The following EYS variants were observed in gnomAD, a reference collection of about 807,000 sequenced individuals.
EYS encodes the protein EGF-like photoreceptor maintenance factor, also known as protein eyes shut homolog.
EYS carries 250 observed loss-of-function variants against 282.1 expected under a neutral mutation model. That is an observed-to-expected ratio of 0.89 (90% CI 0.80 to 0.98). The LOEUF is 0.98. EYS is among the 50% of genes least tolerant of loss of function. The pLI is 0.00. For missense variants in EYS, 4,016 were observed against 3,709.0 expected (o/e 1.08, Z -2.15); for synonymous variants, 1,355 against 1,282.9 (o/e 1.06, Z -1.20).
At position 65,430,596 on chromosome 6, in the gene EYS, C is replaced by G. The variant is rs540857995; in HGVS notation, c.863-25229G>C. ...AGCTAAGGGAATGCTGGCATTACCC[C>G]TCCCCTAGACCCAGGCTAACCCTAA... On this transcript the variant is annotated intron_variant, in intron 5 of 42. Transcript: ENST00000503581. Among the ~76,000 whole-genome samples the G allele has an allele frequency of 4.6e-5, 7 of 152,156 alleles. No individual in the cohort carries two copies. In the South Asian group the frequency reaches 1.5e-3, roughly 32 times the overall value.
chr6:64,616,155 T>C (rs1428727745), intron 24 of EYS, among the ~76,000 whole-genome samples: 6 of 152,144 alleles, frequency 3.9e-5, no homozygotes, highest in Non-Finnish European at 8.8e-5. Flanking sequence ...CCTACGTATC[T>C]AAGGCTGCAC....
intron 31 of EYS, among the ~76,000 whole-genome samples, chr6:64,210,001 T>C (rs1765713034): frequency 6.6e-6 from 1 of 152,230 alleles, no homozygotes; most frequent in Non-Finnish European, 1.5e-5. Context: ...CTTAATCTTC[T>C]GTCTCTTTAT....
intron 35 of EYS, among the ~76,000 whole-genome samples, chr6:63,951,469 C>T (rs1327236884): frequency 1.3e-5 from 2 of 152,048 alleles, no homozygotes; most frequent in African/African-American, 2.4e-5. Context: ...TCCCTCCCAC[C>T]TGTCCCCTCA....
chr6:64,686,494 C>A (rs1278603713), intron 22 of EYS, among the ~76,000 whole-genome samples: 1 of 151,290 alleles, frequency 6.6e-6, no homozygotes, highest in African/African-American at 2.4e-5. Flanking sequence ...GTTATCCCAG[C>A]TCTTTGGGAG....
chr6:64,295,365 A>G (rs79505430), intron 30 of EYS, among the ~76,000 whole-genome samples: 2 of 12,956 alleles, frequency 1.5e-4, no homozygotes, highest in Non-Finnish European at 3.2e-4. Flanking sequence ...GAAGAAGAAG[A>G]AGAAGGAAGA....
chr6:65,516,744 G>A (rs570450527), intron 2 of EYS, among the ~76,000 whole-genome samples: 1 of 151,964 alleles, frequency 6.6e-6, no homozygotes, highest in East Asian at 1.9e-4. Context: ...AAGGATGCCT[G>A]GTATTACTAA....
chr6:63,959,693 T>C (rs1436849089), intron 35 of EYS, among the ~76,000 whole-genome samples: 1 of 152,144 alleles, frequency 6.6e-6, no homozygotes, highest in Non-Finnish European at 1.5e-5. Flanking sequence ...TTAAAAGGAA[T>C]GTGATCATGT....
At chr6:65,226,079 T>C (rs1254656463) in intron 12 of EYS, among the ~76,000 whole-genome samples, 1 of 152,032 alleles carries the variant, frequency 6.6e-6, no homozygotes, top group Admixed American at 6.6e-5. Flanking sequence ...ATTAAATCTA[T>C]TTATATTTAA....
At chr6:65,508,022 A>G (rs182952068) in intron 2 of EYS, among the ~76,000 whole-genome samples, 70 of 152,258 alleles carry the variant, frequency 4.6e-4, no homozygotes, top group African/African-American at 1.6e-3. Flanking sequence ...AGCATACTGT[A>G]TCGGGTAATA....
intron 12 of EYS, among the ~76,000 whole-genome samples, chr6:65,147,016 T>G (rs1312444106): frequency 6.6e-6 from 1 of 152,044 alleles, no homozygotes. Context: ...TTGCTTTGTA[T>G]ATATTTGTAC....
intron 22 of EYS, among the ~76,000 whole-genome samples, chr6:64,671,298 G>T (rs934028623): frequency 1.3e-5 from 2 of 152,074 alleles, no homozygotes; most frequent in Non-Finnish European, 2.9e-5. Flanking sequence ...GAGCCCTCAT[G>T]AATGAAACAG....
intron 18 of EYS, among the ~76,000 whole-genome samples, chr6:64,901,700 C>G (rs929672990): frequency 1.3e-5 from 2 of 151,882 alleles, no homozygotes; most frequent in Non-Finnish European, 2.9e-5. Context: ...GTCCAAATAT[C>G]TATAACCAGT....
At chr6:65,652,502 A>C (rs866318709) in intron 1 of EYS, among the ~76,000 whole-genome samples, 46 of 152,060 alleles carry the variant, frequency 3.0e-4, no homozygotes, top group Middle Eastern at 3.4e-3. Context: ...TCATATTTTG[A>C]AATTTTTTAA....
chr6:64,660,725 A>G (rs911056167), intron 22 of EYS, among the ~76,000 whole-genome samples: 8 of 152,194 alleles, frequency 5.3e-5, no homozygotes, highest in African/African-American at 1.4e-4. Flanking sequence ...CCACTGCTCA[A>G]TGAAATAAAA....
At chr6:64,788,829 G>A (rs1774097579) in intron 22 of EYS, among the ~76,000 whole-genome samples, 1 of 152,048 alleles carries the variant, frequency 6.6e-6, no homozygotes. Flanking sequence ...TCCTGTCCTT[G>A]TCTCTTCTTT....
At chr6:64,548,793 C>T (rs532983807) in intron 26 of EYS, among the ~76,000 whole-genome samples, 102 of 151,756 alleles carry the variant, frequency 6.7e-4, no homozygotes, top group African/African-American at 2.4e-3. Flanking sequence ...CAAACCTGCA[C>T]GTTGTGCACA....
At chr6:64,578,562 C>CTTTTTCTTTTATCACA (rs1423598206) in intron 26 of EYS, among the ~76,000 whole-genome samples, 14 of 151,380 alleles carry the variant, frequency 9.2e-5, no homozygotes, top group Admixed American at 6.6e-4. Flanking sequence ...TCTACTTCTA[C>CTTTTTCTTTTATCACA]TTTTTCTTTT....
At chr6:64,967,048 T>A (rs1414855492) in intron 14 of EYS, among the ~76,000 whole-genome samples, 1 of 152,178 alleles carries the variant, frequency 6.6e-6, no homozygotes, top group Non-Finnish European at 1.5e-5. Context: ...TACATGAAAT[T>A]ATTTTTTCTT....
intron 12 of EYS, among the ~76,000 whole-genome samples, chr6:65,224,887 G>A (rs978718819): frequency 6.6e-6 from 1 of 152,036 alleles, no homozygotes; most frequent in African/African-American, 2.4e-5. Flanking sequence ...AATCTGTCCG[G>A]ACTTACCATA....
Sources: gnomAD v4.1 joint callset for allele counts (sites outside exome capture counted in the v4.1 genomes callset) on GRCh38, gnomAD v4.1.1 for gene constraint, MANE v1.5 for transcripts, NCBI Gene and HGNC (gene_info 2026-07-23, HGNC 2026-07-21) for gene names.